Variants in GPM6A observed in about 807,000 individuals in gnomAD.
The protein encoded by GPM6A is neuronal membrane glycoprotein M6-a.
In GPM6A, 7 loss-of-function variants were observed where a neutral mutation model predicts 32.1. The ratio of observed to expected loss-of-function variants is 0.22; its 90% CI spans 0.12 to 0.41. The LOEUF (loss-of-function observed/expected upper bound fraction) is 0.41. Among genes scored for constraint, GPM6A ranks in the 10% least tolerant of loss-of-function variants. The pLI, the probability that GPM6A is intolerant of heterozygous loss-of-function variation, is 1.00. For missense variants in GPM6A, 235 were observed against 347.2 expected, an observed-to-expected ratio of 0.68 and a Z score of 2.57; for synonymous variants, 130 against 123.4, an observed-to-expected ratio of 1.05 and a Z score of -0.35.
chr4:175,973,654 G>T (rs1003169092), intron 1 of GPM6A, among the ~76,000 whole-genome samples: 5 of 152,168 alleles, frequency 3.3e-5, no homozygotes, highest in African/African-American at 4.8e-5. Context: ...TGTTCTGAAA[G>T]AATATTAGAA....
chr4:175,857,298 T>C (rs1579571768), intron 1 of GPM6A, among the ~76,000 whole-genome samples: 2 of 152,284 alleles, frequency 1.3e-5, no homozygotes, highest in Admixed American at 1.3e-4. Context: ...TTCAGTACAA[T>C]ACATTTCAGT....
At chr4:175,637,121 T>C (rs28879697) in intron 6 of GPM6A, among the ~76,000 whole-genome samples, 1 of 125,552 alleles carries the variant, frequency 8.0e-6, no homozygotes, top group Non-Finnish European at 1.6e-5. Context: ...ATGTGATATA[T>C]AATATATAAT....
At chr4:175,835,748 TC>T (rs1410312146) in intron 1 of GPM6A, among the ~76,000 whole-genome samples, 1 of 147,470 alleles carries the variant, frequency 6.8e-6, no homozygotes, top group East Asian at 1.9e-4. Flanking sequence ...TATTATTTTT[TC>T]AAATAATTAT....
chr4:175,880,243 T>C (rs1335126997), intron 1 of GPM6A, among the ~76,000 whole-genome samples: 1 of 152,348 alleles, frequency 6.6e-6, no homozygotes, highest in African/African-American at 2.4e-5. Context: ...TCCATTGGTG[T>C]ATATCTCTGT....
intron 1 of GPM6A, among the ~76,000 whole-genome samples, chr4:175,793,199 C>T (rs2111281508): frequency 6.6e-6 from 1 of 152,158 alleles, no homozygotes; most frequent in East Asian, 1.9e-4. Flanking sequence ...ATAATAACTG[C>T]CCTTCTGAAA....
chr4:175,745,051 C>G (rs960225356), intron 1 of GPM6A, among the ~76,000 whole-genome samples: 4 of 151,922 alleles, frequency 2.6e-5, no homozygotes, highest in African/African-American at 9.7e-5. Flanking sequence ...CTTTTTGTGA[C>G]ACTGTCTTAT....
intron 1 of GPM6A, among the ~76,000 whole-genome samples, chr4:175,821,056 T>C (rs1035368236): frequency 2.6e-5 from 4 of 152,308 alleles, no homozygotes; most frequent in Non-Finnish European, 2.9e-5. Flanking sequence ...TCTTCAATAA[T>C]ATGTGTGTTA....
intron 1 of GPM6A, among the ~76,000 whole-genome samples, chr4:175,923,787 CAA>C (rs1457608724): frequency 1.3e-5 from 2 of 152,112 alleles, no homozygotes; most frequent in Non-Finnish European, 2.9e-5. Flanking sequence ...CTCCTGAGCT[CAA>C]GAGATCCTCC....
intron 1 of GPM6A, among the ~76,000 whole-genome samples, chr4:175,737,805 T>C (rs1015768836): frequency 6.6e-6 from 1 of 152,110 alleles, no homozygotes; most frequent in South Asian, 2.1e-4. Context: ...AGGTACCAGG[T>C]TCTTTTTAAA....
At chr4:175,894,815 C>CAAAGAAA (rs1449824121) in intron 1 of GPM6A, among the ~76,000 whole-genome samples, 2 of 152,108 alleles carry the variant, frequency 1.3e-5, no homozygotes, top group Non-Finnish European at 2.9e-5. Context: ...ACAAAGAATA[C>CAAAGAAA]ATGACCCCAT....
chr4:175,743,863 T>A (rs534786516), intron 1 of GPM6A, among the ~76,000 whole-genome samples: 92 of 151,352 alleles, frequency 6.1e-4, no homozygotes, highest in African/African-American at 2.1e-3. Context: ...CAACATCAAG[T>A]ATATAATGTA....
At chr4:175,988,410 C>T (rs1000625840) in intron 1 of GPM6A, among the ~76,000 whole-genome samples, 1 of 152,190 alleles carries the variant, frequency 6.6e-6, no homozygotes, top group Admixed American at 6.5e-5. Context: ...TTAATCAACT[C>T]TATGAAATTG....
At chr4:175,682,103 C>G (rs994116876) in intron 2 of GPM6A, among the ~76,000 whole-genome samples, 1 of 151,700 alleles carries the variant, frequency 6.6e-6, no homozygotes, top group Non-Finnish European at 1.5e-5. Context: ...AAATGAGAAA[C>G]TTATAGGGCA....
intron 1 of GPM6A, chr4:175,962,582 T>C: frequency 3.3e-6 from 1 of 305,618 alleles, no homozygotes; most frequent in Non-Finnish European, 6.4e-6. Flanking sequence ...ATTACTACTT[T>C]GGTTTCTAGG....
intron 1 of GPM6A, among the ~76,000 whole-genome samples, chr4:175,721,045 T>TATGTACTAGTATATATATATA (rs1560895610): frequency 1.1e-3 from 144 of 131,500 alleles, no homozygotes; most frequent in African/African-American, 3.9e-3. Flanking sequence ...ATATATTATA[T>TATGTACTAGTATATATATATA]ATATATATGT....
At chr4:175,684,229 C>A (rs961114079) in intron 2 of GPM6A, among the ~76,000 whole-genome samples, 1 of 152,092 alleles carries the variant, frequency 6.6e-6, no homozygotes, top group Admixed American at 6.6e-5. Context: ...CAAATATTTT[C>A]TTCTAGTTTG....
chr4:175,963,245 A>C (rs1311293534), intron 1 of GPM6A, among the ~76,000 whole-genome samples: 1 of 152,192 alleles, frequency 6.6e-6, no homozygotes, highest in Non-Finnish European at 1.5e-5. Flanking sequence ...AAATACTTGA[A>C]GCAATAATGA....
chr4:175,638,310 C>T (rs956154228), intron 6 of GPM6A, among the ~76,000 whole-genome samples: 1 of 151,746 alleles, frequency 6.6e-6, no homozygotes, highest in Non-Finnish European at 1.5e-5. Flanking sequence ...TACCTGTCTC[C>T]CAAGACCTAC....
At chr4:175,945,830 A>G (rs1739583593) in intron 1 of GPM6A, among the ~76,000 whole-genome samples, 2 of 150,154 alleles carry the variant, frequency 1.3e-5, no homozygotes, top group Non-Finnish European at 2.9e-5. Flanking sequence ...ACGGGTGCAT[A>G]TTACGTACAA....
Sources: allele counts gnomAD v4.1 joint callset (sites outside exome capture counted in the v4.1 genomes callset), GRCh38; gene constraint gnomAD v4.1.1; transcripts MANE v1.5; gene names NCBI Gene and HGNC (gene_info 2026-07-23, HGNC 2026-07-21).